The following PTPRR variants were observed in gnomAD, a reference collection of about 807,000 sequenced individuals.
PTPRR encodes the protein protein tyrosine phosphatase receptor type R, also known as receptor-type tyrosine-protein phosphatase R.
PTPRR carries 38 observed loss-of-function variants against 77.2 expected under a neutral mutation model. The ratio of observed to expected loss-of-function variants is 0.49; its 90% confidence interval spans 0.38 to 0.65. PTPRR has a LOEUF of 0.65. PTPRR is among the 30% of genes least tolerant of loss of function. The pLI, the probability that PTPRR is intolerant of heterozygous loss-of-function variation, is 0.00. For missense variants in PTPRR, 744 were observed against 799.2 expected (o/e 0.93, Z 0.83); for synonymous variants, 299 against 283.1 (o/e 1.06, Z -0.57).
intron 12 of PTPRR, among the ~76,000 whole-genome samples, chr12:70,658,893 T>TG (rs1886686424): frequency 1.5e-5 from 2 of 133,368 alleles, no homozygotes; most frequent in Admixed American, 1.5e-4. Context: ...GTTTTTTTTT[T>TG]TTTTTTTTTT....
At chr12:70,678,150 C>T (rs573424468) in intron 10 of PTPRR, among the ~76,000 whole-genome samples, 2 of 152,220 alleles carry the variant, frequency 1.3e-5, no homozygotes, top group East Asian at 3.9e-4. Flanking sequence ...AAGTGATTCT[C>T]CTGCCTCAGC....
At chr12:70,823,366 G>C (rs1892055178) in intron 2 of PTPRR, among the ~76,000 whole-genome samples, 1 of 152,156 alleles carries the variant, frequency 6.6e-6, no homozygotes, top group Non-Finnish European at 1.5e-5. Flanking sequence ...CTGCTGTCAA[G>C]TGACATGGAA....
intron 2 of PTPRR, among the ~76,000 whole-genome samples, chr12:70,843,761 A>C (rs1892436086): frequency 6.6e-6 from 1 of 151,970 alleles, no homozygotes; most frequent in Non-Finnish European, 1.5e-5. Flanking sequence ...TTCTATGAAA[A>C]TTAAGTTGAG....
chr12:70,812,179 T>C (rs1198864761), intron 2 of PTPRR, among the ~76,000 whole-genome samples: 1 of 152,034 alleles, frequency 6.6e-6, no homozygotes, highest in African/African-American at 2.4e-5. Flanking sequence ...ATCTCAGAGG[T>C]GTTAGATTAG....
At chr12:70,678,449 A>T (rs1887531480) in intron 10 of PTPRR, among the ~76,000 whole-genome samples, 3 of 151,138 alleles carry the variant, frequency 2.0e-5, no homozygotes, top group South Asian at 4.2e-4. Flanking sequence ...GAATTTATTC[A>T]TTTTTTTTTA....
intron 2 of PTPRR, among the ~76,000 whole-genome samples, chr12:70,850,371 A>G (rs934135721): frequency 4.6e-5 from 7 of 151,398 alleles, no homozygotes; most frequent in Admixed American, 2.6e-4. Context: ...AAAAAAAAAA[A>G]TAAAAGGTAA....
chr12:70,714,349 C>G (rs1888941033), intron 6 of PTPRR, among the ~76,000 whole-genome samples: 1 of 152,094 alleles, frequency 6.6e-6, no homozygotes. Flanking sequence ...TCCCCTAGTT[C>G]TTCCCGCCTC....
chr12:70,822,658 G>C (rs1445303965), intron 2 of PTPRR, among the ~76,000 whole-genome samples: 3 of 152,132 alleles, frequency 2.0e-5, no homozygotes, highest in African/African-American at 7.2e-5. Flanking sequence ...TTCCAGGCAG[G>C]ATTTGAATGA....
rs61539990 is a variant in PTPRR, at chr12:70,821,213, C to CTTTTTTT, written c.358-56442_358-56436dup. Among the ~76,000 whole-genome samples the CTTTTTTT allele has an allele frequency of 1.5e-3, 49 of 31,988 alleles. 11 individuals carry two copies. Among genetic ancestry groups the CTTTTTTT allele is most frequent in the East Asian group, 4.6e-3 (2 of 438 alleles). The allele number at this position is 31,988 out of a possible 152,430, so 21.0% of individuals were successfully genotyped here. A position where few individuals can be genotyped will look rare whatever the true frequency, so the allele number is the denominator to read the frequency against. On this transcript the variant is annotated intron_variant, in intron 2 of 13. Transcript: ENST00000283228. The stretch of plus-strand genomic sequence containing the variant: ...CAAAACATGTTGAAAGGGATCACTG[C>CTTTTTTT]TTTTTTTTTTTTTTTTTTTTTTTTT...
At chr12:70,852,839 T>C (rs1892592464) in intron 2 of PTPRR, among the ~76,000 whole-genome samples, 1 of 152,196 alleles carries the variant, frequency 6.6e-6, no homozygotes, top group Non-Finnish European at 1.5e-5. Flanking sequence ...TTTTCTGATA[T>C]TGCGTTTAAC....
chr12:70,762,713 A>G (rs914448325), intron 3 of PTPRR, among the ~76,000 whole-genome samples: 20 of 152,220 alleles, frequency 1.3e-4, no homozygotes, highest in Non-Finnish European at 4.4e-5. Context: ...TATTATGGTT[A>G]TCTCTATTTT....
intron 6 of PTPRR, among the ~76,000 whole-genome samples, chr12:70,733,352 G>C (rs1229542407): frequency 1.4e-5 from 2 of 144,562 alleles, no homozygotes; most frequent in East Asian, 4.1e-4. Flanking sequence ...GTTTTCTAAG[G>C]TATATACCAA....
chr12:70,863,059 C>T (rs1369162662), intron 2 of PTPRR, among the ~76,000 whole-genome samples: 2 of 152,232 alleles, frequency 1.3e-5, no homozygotes, highest in Non-Finnish European at 1.5e-5. Flanking sequence ...CAACCAATTG[C>T]CCTATTCTCT....
rs560719466 is a variant in PTPRR, at chr12:70,687,482, T to C, written c.1280-2699A>G. On this transcript the variant is annotated intron_variant, in intron 8 of 13. Coordinates refer to ENST00000283228, the MANE Select transcript of PTPRR (RefSeq NM_002849.4). ...AGACCAAGATGCTTATCTGATCTTA[T>C]AGGCCACAGGTAAAATAGCTCCTGA... Among the ~76,000 whole-genome samples the C allele has an allele frequency of 4.6e-5, 7 of 152,178 alleles. No individual in the cohort carries two copies. The South Asian group carries it at 1.2e-3, about 27-fold the overall frequency.
chr12:70,790,614 C>T (rs901679713), intron 2 of PTPRR, among the ~76,000 whole-genome samples: 7 of 152,068 alleles, frequency 4.6e-5, no homozygotes, highest in African/African-American at 1.7e-4. Context: ...TGACATACCC[C>T]CTTAAATAAC....
chr12:70,905,247 A>G (rs1382480661), intron 1 of PTPRR, among the ~76,000 whole-genome samples: 1 of 151,910 alleles, frequency 6.6e-6, no homozygotes, highest in Non-Finnish European at 1.5e-5. Flanking sequence ...TTTTCTGTGT[A>G]GAAGGAGATG....
At chr12:70,682,213 T>G (rs1887699493) in intron 10 of PTPRR, among the ~76,000 whole-genome samples, 1 of 151,292 alleles carries the variant, frequency 6.6e-6, no homozygotes, top group Middle Eastern at 3.4e-3. Flanking sequence ...CCGGCTAATT[T>G]TTTGTATTTT....
In PTPRR at chr12:70,827,709, C is replaced by CTTTT. The variant is rs869285373; in HGVS notation, c.358-62935_358-62932dup. ...TATAGGTGCCTGCCACCACACCTGG[C>CTTTT]TTTTTTTTTTTTTTTTTTTTTTTTT... On this transcript the variant is annotated intron_variant, in intron 2 of 13. Coordinates refer to ENST00000283228, the MANE Select transcript of PTPRR (RefSeq NM_002849.4). 3.3e-3 allele frequency among the ~76,000 whole-genome samples: 212 copies of CTTTT among 63,872 alleles called. 20 individuals carry two copies. Among genetic ancestry groups the CTTTT allele is most frequent in the African/African-American group, 0.012 (127 of 10,588 alleles). 41.9% of individuals were successfully genotyped at this position (63,872 alleles called of 152,430 possible). A position where few individuals can be genotyped will look rare whatever the true frequency, so the allele number is the denominator to read the frequency against.
rs537521727 is a variant in PTPRR at position 70,768,856 on chromosome 12, T to C, written c.358-4078A>G. 3.9e-4 allele frequency among the ~76,000 whole-genome samples: 59 copies of C among 151,584 alleles called. No homozygotes were observed. In the East Asian group the frequency reaches 7.9e-3, roughly 20 times the overall value. On this transcript the variant is annotated intron_variant, in intron 2 of 13. Transcript: ENST00000283228. ...CCTGGGATGCAAGGCTGGTTCAATA[T>C]ATGCAAATCAATAAATGTAATCCAG...
Sources: allele counts gnomAD v4.1 joint callset (sites outside exome capture counted in the v4.1 genomes callset), GRCh38; gene constraint gnomAD v4.1.1; transcripts MANE v1.5; gene names NCBI Gene and HGNC (gene_info 2026-07-23, HGNC 2026-07-21).